PCDHGB4: variants seen among roughly 807,000 people sequenced by gnomAD.
The protein encoded by PCDHGB4 is protocadherin gamma-B4.
A neutral mutation model predicts 60.5 loss-of-function variants in PCDHGB4; 38 were observed. The observed-to-expected ratio is 0.63, with a 90% confidence interval of 0.48 to 0.82. The LOEUF is 0.82. Ranked by LOEUF, PCDHGB4 falls within the 40% of genes least tolerant of loss-of-function variation. PCDHGB4 has a pLI of 0.00. For synonymous variants in PCDHGB4, 456 were observed against 509.7 expected (o/e 0.89, Z 1.42); for missense variants, 1,109 against 1,209.6 (o/e 0.92, Z 1.23).
intron 1 of PCDHGB4, chr5:141,419,239 C>T (rs374093302): frequency 3.7e-6 from 6 of 1,614,008 alleles, no homozygotes; most frequent in East Asian, 2.2e-5. Context: ...ACCTGGTCCA[C>T]GTGCCAGAAA....
chr5:141,443,064 G>A (rs76234738), intron 1 of PCDHGB4, among the ~76,000 whole-genome samples: 48 of 152,264 alleles, frequency 3.2e-4, no homozygotes, highest in African/African-American at 1.1e-3. Context: ...ACTGAAGAGC[G>A]TCTTATGACT....
intron 1 of PCDHGB4, chr5:141,427,590 C>A: frequency 1.5e-6 from 1 of 679,008 alleles, no homozygotes; most frequent in Non-Finnish European, 2.7e-6. Flanking sequence ...CAGCACAAGC[C>A]TCACCCTACG....
In PCDHGB4 at chr5:141,418,905, T is replaced by C. The variant is rs144920415; in HGVS notation, c.2397+28624T>C. The C allele has an allele frequency of 5.0e-6, 8 of 1,613,944 alleles. No homozygotes were observed. The East Asian group carries it at 1.8e-4, about 36-fold the overall frequency. ...AACGACAACAGCCCAGAAATAATCA[T>C]CACGTCACTCTCTGATCAGATTATG... On this transcript the variant is annotated intron_variant, in intron 1 of 3. Coordinates refer to ENST00000519479, the MANE Select transcript of PCDHGB4 (RefSeq NM_003736.4).
In PCDHGB4 at chr5:141,421,903, G is replaced by T. The variant is rs757656265; in HGVS notation, c.2397+31622G>T. 2.5e-6 allele frequency: 4 copies of T among 1,613,704 alleles called. No homozygotes were observed. In the East Asian group the frequency reaches 6.7e-5, roughly 27 times the overall value. ...TGGAGGCGATCCCATCCGAAAGGGCGCAGTTCCCATTCGTGTGGTGGTCCT... is the reference window on the plus strand; with the variant it reads ...TGGAGGCGATCCCATCCGAAAGGGCTCAGTTCCCATTCGTGTGGTGGTCCT... On this transcript the variant is annotated intron_variant, in intron 1 of 3. Transcript: ENST00000519479.
rs145025535 is a variant in PCDHGB4 at position 141,457,569 on chromosome 5, T to A, written c.2398-37238T>A. 2.5e-3 allele frequency among the ~76,000 whole-genome samples: 376 copies of A among 152,304 alleles called. 1 individual carries two copies. Among genetic ancestry groups the A allele is most frequent in the African/African-American group, 8.6e-3 (357 of 41,554 alleles). On this transcript the variant is annotated intron_variant, in intron 1 of 3. Transcript: ENST00000519479. Reference sequence around the variant, plus strand: ...TGTATGATAAGCTTTGGAGCAAAATTTTTCTCTCCAGTCCTCATTTTTGGT... The same window carrying A: ...TGTATGATAAGCTTTGGAGCAAAATATTTCTCTCCAGTCCTCATTTTTGGT...
chr5:141,393,115 GGT>G (rs1236382706), intron 1 of PCDHGB4: 1 of 1,613,438 alleles, frequency 6.2e-7, no homozygotes, highest in Non-Finnish European at 8.5e-7. Flanking sequence ...CAGAGCCCGC[GGT>G]GTCTGATAAA....
In PCDHGB4 at chr5:141,490,007, C is replaced by T. The variant is rs766407642; in HGVS notation, c.2398-4800C>T. On this transcript the variant is annotated intron_variant, in intron 1 of 3. Coordinates refer to ENST00000519479, the MANE Select transcript of PCDHGB4 (RefSeq NM_003736.4). The surrounding 1 kb of genome is among the most constrained non-coding windows in gnomAD (Gnocchi z 5.4). ...CGTGTGGGAATCCCAGAGAATGCACCCATTGGTACTCTGCTGCTCCGCCTC... is the reference window on the plus strand; with the variant it reads ...CGTGTGGGAATCCCAGAGAATGCACTCATTGGTACTCTGCTGCTCCGCCTC... 6.2e-7 allele frequency: 1 copy of T among 1,614,200 alleles called. No homozygotes were observed. The highest frequency in any genetic ancestry group is 8.5e-7 in the Non-Finnish European group (1 of 1,180,016).
At chr5:141,478,487 A>G (rs1593917832) in intron 1 of PCDHGB4, 1 of 1,613,454 alleles carries the variant, frequency 6.2e-7, no homozygotes, top group South Asian at 1.1e-5. Flanking sequence ...CACGCTGCGG[A>G]GCTGTGATCC....
intron 1 of PCDHGB4, chr5:141,412,510 T>G (rs1007512416): frequency 6.6e-6 from 1 of 152,204 alleles, no homozygotes; most frequent in Non-Finnish European, 1.5e-5. Flanking sequence ...ATAAGTTTAA[T>G]GAATTAAGTA....
intron 1 of PCDHGB4, among the ~76,000 whole-genome samples, chr5:141,437,457 T>C (rs527469937): frequency 7.2e-5 from 11 of 152,358 alleles, no homozygotes; most frequent in Non-Finnish European, 1.5e-4. Flanking sequence ...GAGGAGACTA[T>C]ACTATACTTT....
chr5:141,467,602 A>G (rs981250164), intron 1 of PCDHGB4, among the ~76,000 whole-genome samples: 3 of 152,216 alleles, frequency 2.0e-5, no homozygotes, highest in Non-Finnish European at 4.4e-5. Flanking sequence ...TAAGCACTTC[A>G]TCTTTGTCCC....
At position 141,487,447 on chromosome 5, in the gene PCDHGB4, C is replaced by A. The variant is rs758411138; in HGVS notation, c.2398-7360C>A. 4.3e-6 allele frequency: 7 copies of A among 1,614,182 alleles called. No homozygotes were observed. The highest frequency in any genetic ancestry group is 5.9e-6 in the Non-Finnish European group (7 of 1,180,028). Reference sequence around the variant, plus strand: ...TCCGAATCCAGCTAGGGTCAGATGACCCTATCAAGTTTGTTGATGTGGGAG... The same window carrying A: ...TCCGAATCCAGCTAGGGTCAGATGAACCTATCAAGTTTGTTGATGTGGGAG... On this transcript the variant is annotated intron_variant, in intron 1 of 3. Coordinates refer to ENST00000519479, the MANE Select transcript of PCDHGB4 (RefSeq NM_003736.4). The surrounding 1 kb of genome is among the most constrained non-coding windows in gnomAD (Gnocchi z 5.0).
intron 2 of PCDHGB4, among the ~76,000 whole-genome samples, chr5:141,502,352 C>G (rs544911376): frequency 3.2e-4 from 49 of 151,888 alleles, no homozygotes; most frequent in African/African-American, 1.2e-3. Flanking sequence ...TTTTTAATGA[C>G]ATGGATATTT....
In PCDHGB4 at chr5:141,491,341, G is replaced by C. The variant is rs775712620; in HGVS notation, c.2398-3466G>C. ...TTACCTCATTGTGGCTCTAGCGACC[G>C]TCAGTCTCTTATCCCTAGTCACCTT... On this transcript the variant is annotated intron_variant, in intron 1 of 3. Transcript: ENST00000519479. This position sits in a 1 kb window ranked among gnomAD's most constrained non-coding sequence, Gnocchi z 6.9. 10 of 1,614,100 alleles carry C rather than the reference G, an allele frequency of 6.2e-6. No homozygotes were observed. In the East Asian group the frequency reaches 8.9e-5, roughly 14 times the overall value.
chr5:141,403,582 G>A (rs973617374), intron 1 of PCDHGB4: 1 of 1,613,910 alleles, frequency 6.2e-7, no homozygotes, highest in Non-Finnish European at 8.5e-7. Flanking sequence ...CCCACCACCT[G>A]GTCCTCACGG....
At position 141,388,986 on chromosome 5, in the gene PCDHGB4, A is replaced by G. The variant is rs756279125; in HGVS notation, c.1102A>G (p.Lys368Glu). The G allele has an allele frequency of 2.5e-6, 4 of 1,613,952 alleles. No homozygotes were observed. Among genetic ancestry groups the G allele is most frequent in the Non-Finnish European group, 3.4e-6 (4 of 1,179,912 alleles). The part of the protein sequence containing the change: ...AELGTHIALL[K>E]VRDKDSRHNG... ...GCTGGGAACACATATTGCTTTGCTC[A>G]AAGTCCGTGACAAGGATTCCAGACA... is the stretch of plus-strand genomic sequence containing the variant. Residue 368 changes from lysine (K) to glutamate (E), a missense_variant, in exon 1 of 4, where the codon AAA becomes GAA. Coordinates refer to ENST00000519479, the MANE Select transcript of PCDHGB4 (RefSeq NM_003736.4).
chr5:141,482,248 C>G (rs1056466272), intron 1 of PCDHGB4, among the ~76,000 whole-genome samples: 1 of 152,084 alleles, frequency 6.6e-6, no homozygotes, highest in African/African-American at 2.4e-5. Context: ...AAGTATAGTA[C>G]TGTACATATT....
At chr5:141,434,763 C>T (rs2097714876) in intron 1 of PCDHGB4, among the ~76,000 whole-genome samples, 1 of 151,296 alleles carries the variant, frequency 6.6e-6, no homozygotes, top group South Asian at 2.1e-4. Flanking sequence ...TTCCCCACTT[C>T]ACACTTCTAA....
rs200576950 is a variant in PCDHGB4 at position 141,477,475 on chromosome 5, C to T, written c.2398-17332C>T. The T allele has an allele frequency of 1.2e-6, 2 of 1,614,124 alleles. No individual in the cohort carries two copies. Among genetic ancestry groups the T allele is most frequent in the African/African-American group, 2.7e-5 (2 of 75,010 alleles). ...TTCAAGTGTCCGACATCAATGACAACCCTCCACAATCTTCTCAATCTTCCT... is the reference window on the plus strand; with the variant it reads ...TTCAAGTGTCCGACATCAATGACAATCCTCCACAATCTTCTCAATCTTCCT... On this transcript the variant is annotated intron_variant, in intron 1 of 3. Transcript: ENST00000519479. The surrounding 1 kb of genome is among the most constrained non-coding windows in gnomAD (Gnocchi z 4.9).
Sources: allele counts gnomAD v4.1 joint callset (sites outside exome capture counted in the v4.1 genomes callset), GRCh38; gene constraint gnomAD v4.1.1; non-coding constraint Gnocchi (gnomAD v3.1); transcripts MANE v1.5; gene names NCBI Gene and HGNC (gene_info 2026-07-23, HGNC 2026-07-21).